Variants in MYO16 observed in about 807,000 individuals in gnomAD.
MYO16 encodes the protein myosin XVI, also known as unconventional myosin-XVI.
In MYO16, 94 loss-of-function variants were observed where a neutral mutation model predicts 205.3. That is an observed-to-expected ratio of 0.46 (90% CI 0.39 to 0.54). The LOEUF (loss-of-function observed/expected upper bound fraction) is 0.54, where lower values mean the gene tolerates loss of function less well. Among genes scored for constraint, MYO16 ranks in the 20% least tolerant of loss-of-function variants. MYO16 has a pLI of 0.00. For missense variants in MYO16, 2,315 were observed against 2,387.5 expected, an observed-to-expected ratio of 0.97 and a Z score of 0.63; for synonymous variants, 988 against 954.0, an observed-to-expected ratio of 1.04 and a Z score of -0.66.
At chr13:109,067,166 A>G (rs1368933743) in intron 27 of MYO16, among the ~76,000 whole-genome samples, 1 of 152,116 alleles carries the variant, frequency 6.6e-6, no homozygotes, top group Non-Finnish European at 1.5e-5. Flanking sequence ...TTCACTGTAT[A>G]CTCACTATCC....
chr13:108,586,899 A>G, the MYO16 span, among the ~76,000 whole-genome samples: 1 of 152,166 alleles, frequency 6.6e-6, no homozygotes, highest in Non-Finnish European at 1.5e-5. Context: ...CTATTTTCCT[A>G]TCTTTCCAAT....
rs2057515 is a variant in MYO16 at position 109,162,353 on chromosome 13, G to A, written c.5165-2548G>A. On this transcript the variant is annotated intron_variant, in intron 32 of 34. Transcript: ENST00000457511. This position sits in a 1 kb window ranked among gnomAD's most constrained non-coding sequence, Gnocchi z 4.6. Reference sequence around the variant, plus strand: ...AAAGCCTTGGGGAAGCCCTCACTGCGCTGAGAATAAAACCTCTCAGTTCCT... The same window carrying A: ...AAAGCCTTGGGGAAGCCCTCACTGCACTGAGAATAAAACCTCTCAGTTCCT... Among the ~76,000 whole-genome samples the A allele has an allele frequency of 0.059, 8,907 of 152,252 alleles. 314 individuals are homozygous for A. The highest frequency in any genetic ancestry group is 0.12 in the South Asian group (579 of 4,816).
Position 108,666,049 on chromosome 13 carries a change from A to C in MYO16, c.192A>C (p.Glu64Asp). Residue 64 changes from glutamate (E) to aspartate (D), a missense_variant, in exon 2 of 35, where the codon GAA (glutamate) becomes GAC (aspartate). Coordinates refer to ENST00000457511, the MANE Select transcript of MYO16 (RefSeq NM_001198950.3). ...YEREKAFQKQ[E>D]GFLKRLKHAK... is the part of the protein sequence containing the mutation. ...GCGAGAAGGCTTTTCAGAAGCAGGA[A>C]GGGTTCCTGAAAAGGCTGAAGCATG... 6.2e-7 allele frequency: 1 copy of C among 1,614,194 alleles called. No homozygotes were observed. The highest frequency in any genetic ancestry group is 8.5e-7 in the Non-Finnish European group (1 of 1,180,012).
the MYO16 span, among the ~76,000 whole-genome samples, chr13:108,567,903 G>C: frequency 6.6e-6 from 1 of 151,716 alleles, no homozygotes; most frequent in Non-Finnish European, 1.5e-5. Context: ...TACATTTTTC[G>C]GTCTCTTTAG....
At chr13:108,826,121 A>T (rs1876250652) in intron 9 of MYO16, among the ~76,000 whole-genome samples, 1 of 152,178 alleles carries the variant, frequency 6.6e-6, no homozygotes, top group South Asian at 2.1e-4. Context: ...CCCTAAAATA[A>T]TTATGTGAAA....
chr13:109,100,236 A>G lies in MYO16; in HGVS notation c.3336-549A>G, dbSNP rs151113228. Among the ~76,000 whole-genome samples the G allele has an allele frequency of 1.6e-3, 246 of 152,370 alleles. 2 individuals carry two copies. Among genetic ancestry groups the G allele is most frequent in the African/African-American group, 5.6e-3 (232 of 41,596 alleles). On this transcript the variant is annotated intron_variant, in intron 27 of 34. Coordinates refer to ENST00000457511, the MANE Select transcript of MYO16 (RefSeq NM_001198950.3). ...AATTTCAGCTAGGGAATGAAAGTCA[A>G]TTGCTCACTGATACTTTACAAAATA...
chr13:108,624,742 C>T (rs1375132703), upstream of MYO16, among the ~76,000 whole-genome samples: 1 of 150,826 alleles, frequency 6.6e-6, no homozygotes, highest in Non-Finnish European at 1.5e-5. Flanking sequence ...AGTGGGTGGC[C>T]AAATGCCCTT....
intron 5 of MYO16, among the ~76,000 whole-genome samples, chr13:108,786,819 T>A (rs1046827376): frequency 1.3e-5 from 2 of 152,126 alleles, no homozygotes; most frequent in African/African-American, 4.8e-5. Context: ...CTGGGTTGGG[T>A]TAGCAGTGCA....
the MYO16 span, among the ~76,000 whole-genome samples, chr13:108,495,916 C>T: frequency 6.6e-6 from 1 of 152,000 alleles, no homozygotes; most frequent in South Asian, 2.1e-4. Flanking sequence ...GCGGACCCTT[C>T]TCCGGCAGGT....
the MYO16 span, among the ~76,000 whole-genome samples, chr13:108,554,654 C>G: frequency 6.6e-6 from 1 of 151,976 alleles, no homozygotes; most frequent in African/African-American, 2.4e-5. Flanking sequence ...TCAAGACCAT[C>G]CTGGCTAACA....
intron 1 of MYO16, among the ~76,000 whole-genome samples, chr13:108,653,303 A>G (rs1198594058): frequency 2.6e-5 from 4 of 152,174 alleles, no homozygotes; most frequent in Non-Finnish European, 4.4e-5. Context: ...TATTAGGTGT[A>G]TAAGGGTAAA....
At chr13:109,077,442 A>C (rs9521161) in intron 27 of MYO16, among the ~76,000 whole-genome samples, 72,217 of 151,958 alleles carry the variant, frequency 0.48, 17,496 homozygotes, top group Middle Eastern at 0.54. Flanking sequence ...AAAATCCCCT[A>C]CCAGAGGGTT....
In MYO16 at chr13:109,039,847, TC is replaced by T. The variant is rs1292804374; in HGVS notation, c.2797-7068del. The stretch of plus-strand genomic sequence containing the variant: ...GAAACCGATGACAAAAAAGCAGAAA[TC>T]AATGGAATTAGAAAAAAAGGAGAAA... On this transcript the variant is annotated intron_variant, in intron 23 of 34. Coordinates refer to ENST00000457511, the MANE Select transcript of MYO16 (RefSeq NM_001198950.3). 2.0e-5 allele frequency among the ~76,000 whole-genome samples: 3 copies of T among 151,134 alleles called. No individual in the cohort carries two copies. In the East Asian group the frequency reaches 5.8e-4, roughly 29 times the overall value.
chr13:109,159,639 A>G (rs1333830276), intron 32 of MYO16, among the ~76,000 whole-genome samples: 1 of 152,230 alleles, frequency 6.6e-6, no homozygotes, highest in Non-Finnish European at 1.5e-5. Flanking sequence ...TGTGCCATGC[A>G]GTGAGAAGGA....
At chr13:108,837,250 C>T (rs1876978846) in intron 9 of MYO16, among the ~76,000 whole-genome samples, 1 of 152,114 alleles carries the variant, frequency 6.6e-6, no homozygotes. Context: ...TCCTGCCACC[C>T]TGTGAAGAGG....
At chr13:108,698,299 A>G (rs930536337) in intron 2 of MYO16, among the ~76,000 whole-genome samples, 1 of 152,230 alleles carries the variant, frequency 6.6e-6, no homozygotes, top group Non-Finnish European at 1.5e-5. Flanking sequence ...ATGTTCAGAA[A>G]AGGAGTGTGG....
intron 21 of MYO16, among the ~76,000 whole-genome samples, chr13:108,995,860 T>C (rs1404382668): frequency 1.3e-5 from 2 of 152,228 alleles, no homozygotes; most frequent in South Asian, 2.1e-4. Context: ...TTGGGTTTGT[T>C]CCAAGTCTTT....
chr13:108,703,631 C>G (rs1172776398), intron 2 of MYO16, among the ~76,000 whole-genome samples: 1 of 152,072 alleles, frequency 6.6e-6, no homozygotes, highest in African/African-American at 2.4e-5. Context: ...AAACATTCTC[C>G]AGGACAGACC....
intron 34 of MYO16, among the ~76,000 whole-genome samples, chr13:109,188,560 A>G (rs773320926): frequency 2.6e-5 from 4 of 152,188 alleles, no homozygotes; most frequent in Non-Finnish European, 5.9e-5. Flanking sequence ...ACGATAGATG[A>G]ATATATAAAG....
Sources: allele counts gnomAD v4.1 joint callset (sites outside exome capture counted in the v4.1 genomes callset), GRCh38; gene constraint gnomAD v4.1.1; non-coding constraint Gnocchi (gnomAD v3.1); transcripts MANE v1.5; gene names NCBI Gene and HGNC (gene_info 2026-07-23, HGNC 2026-07-21).